The following MAP3K1 variants were observed in gnomAD, a reference collection of about 807,000 sequenced individuals.
The protein encoded by MAP3K1 is mitogen-activated protein kinase kinase kinase 1.
Under a neutral mutation model 144.2 loss-of-function variants are expected in MAP3K1, and 36 were observed. The observed-to-expected ratio is 0.25, with a 90% CI of 0.19 to 0.33. The LOEUF (loss-of-function observed/expected upper bound fraction) is 0.33, where lower values mean the gene tolerates loss of function less well. Ranked by LOEUF, MAP3K1 falls within the 10% of genes least tolerant of loss-of-function variation. The pLI is 1.00. For missense variants in MAP3K1, 1,650 were observed against 1,881.9 expected (o/e 0.88, Z 2.28); for synonymous variants, 718 against 688.7 (o/e 1.04, Z -0.67).
chr5:56,820,410 T>C, intron 1 of MAP3K1: 1 of 984,268 alleles, frequency 1.0e-6, no homozygotes. Context: ...GAAATTTGTT[T>C]TGCAGGCATT....
chr5:56,844,280 T>C (rs983501331), intron 1 of MAP3K1, among the ~76,000 whole-genome samples: 9 of 143,098 alleles, frequency 6.3e-5, no homozygotes, highest in Admixed American at 3.6e-4. Context: ...CCTGGGTTCA[T>C]GCCATTCTCC....
rs369084439 is a variant in MAP3K1 at position 56,882,112 on chromosome 5, C to T, written c.2912C>T (p.Pro971Leu). Reference protein sequence around the residue: ...RPHSQCLNSSPLSHHSQLMFP... With the variant: ...RPHSQCLNSSLLSHHSQLMFP... ...CACAGTCAGTGTTTGAACTCCTCTC[C>T]TTTATCTCATCATTCCCAATTAATG... Residue 971 changes from proline (P) to leucine (L), a missense_variant, in exon 14 of 20, where the codon CCT (proline) becomes CTT (leucine). Pro to Leu is a moderately conservative substitution (Grantham distance 98). Around this residue, in one of 6 missense-constraint regions of MAP3K1, gnomAD observed 841 missense variants for 886.5 expected, o/e 0.95. Coordinates refer to ENST00000399503, the MANE Select transcript of MAP3K1 (RefSeq NM_005921.2). 24 of 1,614,102 alleles carry T rather than the reference C, an allele frequency of 1.5e-5. No individual in the cohort carries two copies. In the African/African-American group the frequency reaches 2.4e-4, roughly 16 times the overall value.
chr5:56,873,058 A>G (rs1554034884), intron 9 of MAP3K1, 53 bp downstream of exon 9: 1 of 1,503,934 alleles, frequency 6.6e-7, no homozygotes, highest in South Asian at 1.2e-5. Context: ...AGATCAATTA[A>G]TGTATTTGTC....
rs2111961747 is a variant in MAP3K1 at position 56,887,402 on chromosome 5, C to G, written c.4139C>G (p.Thr1380Ser). 1.2e-6 allele frequency: 2 copies of G among 1,614,164 alleles called. No individual in the cohort carries two copies. Among genetic ancestry groups the G allele is most frequent in the Non-Finnish European group, 1.7e-6 (2 of 1,180,026 alleles). ...GGTGCCAATTTGCTAATTGACAGCA[C>G]TGGTCAGAGACTAAGAATTGCAGAT... ...VKGANLLIDS[T>S]GQRLRIADFG... Residue 1380 changes from threonine to serine, a missense_variant, in exon 18 of 20, where the codon ACT becomes AGT. By Grantham distance (58) the Thr-to-Ser change is moderately conservative. This residue lies in a region of MAP3K1 where 165 missense variants were observed against 322.9 expected (regional missense o/e 0.51). Coordinates refer to ENST00000399503, the MANE Select transcript of MAP3K1 (RefSeq NM_005921.2).
intron 1 of MAP3K1, among the ~76,000 whole-genome samples, chr5:56,839,687 A>G (rs572947684): frequency 6.6e-6 from 1 of 152,272 alleles, no homozygotes; most frequent in African/African-American, 2.4e-5. Flanking sequence ...ATTTTCTCTC[A>G]GTACTCTGGT....
At position 56,856,592 on chromosome 5, in the gene MAP3K1, C is replaced by G. The variant is rs758944258; in HGVS notation, c.483-8C>G. The G allele has an allele frequency of 1.2e-6, 2 of 1,608,240 alleles. No individual in the cohort carries two copies. The highest frequency in any genetic ancestry group is 2.7e-5 in the African/African-American group (2 of 74,766). On this transcript the variant is annotated splice_region_variant and splice_polypyrimidine_tract_variant and intron_variant, in intron 1 of 19. Transcript: ENST00000399503. ...TTCTCATTTTATTTGTTTCTGCCTG[C>G]ATTTTAGTCGTGAGATGGAGAATAA...
Position 56,815,593 on chromosome 5 carries a change from A to C in MAP3K1, c.20A>C (p.Asn7Thr). The C allele has an allele frequency of 3.9e-6, 5 of 1,294,138 alleles. No individual in the cohort carries two copies. Among genetic ancestry groups the C allele is most frequent in the Non-Finnish European group, 4.9e-6 (5 of 1,023,768 alleles). The allele number at this position is 1,294,138 out of a possible 1,614,324, so 80.2% of individuals were successfully genotyped here. A position where few individuals can be genotyped will look rare whatever the true frequency, so the allele number is the denominator to read the frequency against. The change falls in exon 1 of 20, where the codon AAT becomes ACT. Residue 7 changes from asparagine to threonine, a missense_variant. This residue lies in a region of MAP3K1 where 360 missense variants were observed against 274.7 expected (regional missense o/e 1.31). Coordinates refer to ENST00000399503, the MANE Select transcript of MAP3K1 (RefSeq NM_005921.2). MAAAAGNRASSSGFPGA... is the reference protein window; with the variant it reads MAAAAGTRASSSGFPGA... ...GAGAAAATGGCGGCGGCGGCGGGGA[A>C]TCGCGCCTCGTCGTCGGGATTCCCG...
In MAP3K1 at chr5:56,879,048, A is replaced by G. The variant is rs762068539; in HGVS notation, c.2034A>G (p.Arg678=). Residue 678 remains arginine, a synonymous_variant, in exon 11 of 20, where the codon AGA becomes AGG. Transcript: ENST00000399503. ...TAGCGGAAAGAATCAAACTTCAGAG[A>G]CTTCTCCAGCCAGTTGTAGACACCA... ...HSLAERIKLQ[R]LLQPVVDTIL... is the part of the protein sequence containing the mutation. 1.2e-6 allele frequency: 2 copies of G among 1,613,956 alleles called. No individual in the cohort carries two copies. The highest frequency in any genetic ancestry group is 2.2e-5 in the South Asian group (2 of 91,092).
rs748843504 is a variant in MAP3K1 at position 56,875,326 on chromosome 5, C to G, written c.1965+16C>G. 9 of 1,612,916 alleles carry G rather than the reference C, an allele frequency of 5.6e-6. No individual in the cohort carries two copies. The highest frequency in any genetic ancestry group is 7.6e-6 in the Non-Finnish European group (9 of 1,179,590). On this transcript the variant is annotated intron_variant, in intron 10 of 19. Transcript: ENST00000399503. ...TGCTGCTTTAGTAAGTAGCTTTATT[C>G]CATAATCATATCATTATGGGTTTGG... is the stretch of plus-strand genomic sequence containing the variant.
At chr5:56,891,205 G>A (rs564765477) in intron 19 of MAP3K1, among the ~76,000 whole-genome samples, 31 of 148,962 alleles carry the variant, frequency 2.1e-4, no homozygotes, top group African/African-American at 7.8e-4. Context: ...TTGGGGAAAA[G>A]AAGGAAGAGG....
At chr5:56,854,267 C>T (rs1343096304) in intron 1 of MAP3K1, among the ~76,000 whole-genome samples, 2 of 151,684 alleles carry the variant, frequency 1.3e-5, no homozygotes, top group Non-Finnish European at 2.9e-5. Context: ...AACCTCATCT[C>T]TACTAAAAAC....
At position 56,881,135 on chromosome 5, in the gene MAP3K1, C is replaced by T. The variant is rs776103572; in HGVS notation, c.2232C>T (p.Asn744=). 39 of 1,613,612 alleles carry T rather than the reference C, an allele frequency of 2.4e-5. No homozygotes were observed. The Admixed American group carries it at 6.5e-4, about 27-fold the overall frequency. The change falls in exon 13 of 20, where the codon AAC becomes AAT. Residue 744 remains asparagine (N), a synonymous_variant. Coordinates refer to ENST00000399503, the MANE Select transcript of MAP3K1 (RefSeq NM_005921.2). ...VDYVLNCILG[N]QTESNNWQEL... ...ATGTCTTAAATTGTATTCTTGGAAACCAAACTGAATCAAACAATTGGCAAG... is the reference window on the plus strand; with the variant it reads ...ATGTCTTAAATTGTATTCTTGGAAATCAAACTGAATCAAACAATTGGCAAG...
At chr5:56,871,612 G>T (rs752579528) in intron 6 of MAP3K1, among the ~76,000 whole-genome samples, 1 of 152,118 alleles carries the variant, frequency 6.6e-6, no homozygotes, top group African/African-American at 2.4e-5. Flanking sequence ...TATTCAAAAG[G>T]TACAGTAGCA....
At chr5:56,841,247 G>C (rs1056309683) in intron 1 of MAP3K1, among the ~76,000 whole-genome samples, 7 of 150,444 alleles carry the variant, frequency 4.7e-5, no homozygotes, top group African/African-American at 1.7e-4. Flanking sequence ...CATGTAAAAC[G>C]ATCTTAAAAT....
chr5:56,881,694 C>T lies in MAP3K1; in HGVS notation c.2494C>T (p.His832Tyr). 3 of 1,614,008 alleles carry T rather than the reference C, an allele frequency of 1.9e-6. No homozygotes were observed. The highest frequency in any genetic ancestry group is 2.5e-6 in the Non-Finnish European group (3 of 1,179,902). ...SSARMVTTVP[H>Y]VFSKLLEMLS... is the part of the protein sequence containing the mutation. ...TGCAAGAATGGTTACTACAGTACCC[C>T]ATGTGTTTTCAAAACTGTTAGAAAT... Residue 832 changes from histidine (H) to tyrosine (Y), a missense_variant, in exon 14 of 20, where the codon CAT (histidine) becomes TAT (tyrosine). This residue lies in a region of MAP3K1 where 841 missense variants were observed against 886.5 expected (regional missense o/e 0.95). Coordinates refer to ENST00000399503, the MANE Select transcript of MAP3K1 (RefSeq NM_005921.2).
chr5:56,884,141 T>G (rs1275615781), intron 15 of MAP3K1, among the ~76,000 whole-genome samples: 1 of 151,902 alleles, frequency 6.6e-6, no homozygotes, highest in Non-Finnish European at 1.5e-5. Flanking sequence ...AGAGCAAGAC[T>G]GTCTCAAAAA....
intron 10 of MAP3K1, among the ~76,000 whole-genome samples, chr5:56,876,913 A>G (rs1367939927): frequency 6.6e-6 from 1 of 152,176 alleles, no homozygotes; most frequent in Non-Finnish European, 1.5e-5. Flanking sequence ...CCTAAAGCAT[A>G]TTCTGTGGAA....
intron 6 of MAP3K1, among the ~76,000 whole-genome samples, chr5:56,870,947 C>A (rs1258380177): frequency 6.6e-6 from 1 of 152,154 alleles, no homozygotes; most frequent in East Asian, 1.9e-4. Flanking sequence ...CTCCTACCAG[C>A]AGTCTATATG....
At chr5:56,874,135 C>G (rs1236100658) in intron 9 of MAP3K1, among the ~76,000 whole-genome samples, 1 of 152,200 alleles carries the variant, frequency 6.6e-6, no homozygotes, top group African/African-American at 2.4e-5. Context: ...CAGAAGCTCA[C>G]TATATTCTAG....
Sources: allele counts gnomAD v4.1 joint callset (sites outside exome capture counted in the v4.1 genomes callset), GRCh38; gene constraint gnomAD v4.1.1; regional missense constraint gnomAD v4.1.1; transcripts MANE v1.5; gene names NCBI Gene and HGNC (gene_info 2026-07-23, HGNC 2026-07-21).